HELZ: variants seen among roughly 807,000 people sequenced by gnomAD.
HELZ encodes helicase with zinc finger.
In HELZ, 23 loss-of-function variants were observed where a neutral mutation model predicts 218.2. The observed-to-expected ratio is 0.11, with a 90% CI of 0.08 to 0.15. The LOEUF (loss-of-function observed/expected upper bound fraction) is 0.15, where lower values mean the gene tolerates loss of function less well. HELZ is among the 10% of genes least tolerant of loss of function. The pLI, the probability that HELZ is intolerant of heterozygous loss-of-function variation, is 1.00. For missense variants in HELZ, 1,813 were observed against 2,353.7 expected, an observed-to-expected ratio of 0.77 and a Z score of 4.75; for synonymous variants, 814 against 829.4, an observed-to-expected ratio of 0.98 and a Z score of 0.32.
chr17:67,203,510 T>C, intron 5 of HELZ, 67 bp from the exon 6 acceptor site: 7 of 1,569,844 alleles, frequency 4.5e-6, no homozygotes, highest in Non-Finnish European at 6.1e-6. Context: ...GATTATAGTA[T>C]TAACACACTA....
intron 27 of HELZ, among the ~76,000 whole-genome samples, chr17:67,117,698 T>C (rs543605078): frequency 2.8e-4 from 42 of 151,784 alleles, no homozygotes; most frequent in Admixed American, 2.6e-3. Flanking sequence ...TACAGGCATG[T>C]GCCACCATGC....
intron 9 of HELZ, among the ~76,000 whole-genome samples, chr17:67,190,872 G>A (rs766003346): frequency 6.6e-6 from 1 of 152,108 alleles, no homozygotes; most frequent in Non-Finnish European, 1.5e-5. Context: ...ACCACGCCTG[G>A]CTAGTTTTTG....
At chr17:67,145,680 C>T (rs542995924) in intron 21 of HELZ, 63 bp downstream of exon 21, 2 of 1,370,006 alleles carry the variant, frequency 1.5e-6, no homozygotes, top group African/African-American at 1.5e-5. Context: ...TAAATAAATG[C>T]TTAACAAAAC....
At chr17:67,197,415 T>A (rs2040059401) in intron 7 of HELZ, among the ~76,000 whole-genome samples, 1 of 152,182 alleles carries the variant, frequency 6.6e-6, no homozygotes, top group African/African-American at 2.4e-5. Flanking sequence ...TACTTAGCTA[T>A]CCCTATCCTT....
In HELZ at chr17:67,203,460, G is replaced by C. The variant is rs1371287012; in HGVS notation, c.248-17C>G. 3 of 1,612,544 alleles carry C rather than the reference G, an allele frequency of 1.9e-6. No homozygotes were observed. The African/African-American group carries it at 4.0e-5, about 22-fold the overall frequency. On this transcript the variant is annotated splice_polypyrimidine_tract_variant and intron_variant, in intron 5 of 32. Transcript: ENST00000358691. Reference sequence around the variant, plus strand: ...CTCCCAGCACTGCCATGAAAGAACAGCCATCATTAACCATATGACATTTAA... The same window carrying C: ...CTCCCAGCACTGCCATGAAAGAACACCCATCATTAACCATATGACATTTAA...
chr17:67,086,631 A>ATATATAAAAATAAATATAAATATAT (rs1598183996), intron 32 of HELZ, among the ~76,000 whole-genome samples, 198 bp downstream of exon 32: 1 of 93,318 alleles, frequency 1.1e-5, no homozygotes, highest in Non-Finnish European at 2.0e-5. Context: ...TATAAATATA[A>ATATATAAAAATAAATATAAATATAT]ATATATATAT....
chr17:67,214,458 G>T (rs1469716099), intron 5 of HELZ, among the ~76,000 whole-genome samples: 2 of 151,286 alleles, frequency 1.3e-5, no homozygotes, highest in Non-Finnish European at 2.9e-5. Context: ...TAGAGATGGG[G>T]TTTCACCATA....
intron 32 of HELZ, among the ~76,000 whole-genome samples, chr17:67,081,808 G>T (rs967244656): frequency 6.6e-6 from 1 of 152,194 alleles, no homozygotes; most frequent in Non-Finnish European, 1.5e-5. Flanking sequence ...GTGGGGCGGG[G>T]CAGGGGGGTG....
chr17:67,166,427 T>C (rs1423829441), intron 15 of HELZ, 51 bp downstream of exon 15: 33 of 1,478,522 alleles, frequency 2.2e-5, no homozygotes, highest in Non-Finnish European at 3.0e-5. Context: ...ATACAGATAT[T>C]CAATTTAATA....
chr17:67,159,616 ATTC>A (rs1448763581), intron 17 of HELZ, among the ~76,000 whole-genome samples: 2 of 152,180 alleles, frequency 1.3e-5, no homozygotes, highest in Non-Finnish European at 2.9e-5. Context: ...CAATTTGATG[ATTC>A]TTTATTGTTT....
At chr17:67,105,689 A>C (rs112793415) in intron 31 of HELZ, among the ~76,000 whole-genome samples, 1,925 of 152,334 alleles carry the variant, frequency 0.013, 22 homozygotes, top group Non-Finnish European at 0.021. Flanking sequence ...ACTACTGTTC[A>C]TTATAATCTG....
At chr17:67,168,259 G>A (rs1377789501) in intron 13 of HELZ, among the ~76,000 whole-genome samples, 2 of 152,132 alleles carry the variant, frequency 1.3e-5, no homozygotes, top group African/African-American at 4.8e-5. Context: ...GATTACAGAT[G>A]TGAGCCACCA....
At chr17:67,119,471 C>G (rs984839360) in intron 27 of HELZ, among the ~76,000 whole-genome samples, 40 of 152,042 alleles carry the variant, frequency 2.6e-4, no homozygotes, top group Admixed American at 2.4e-3. Flanking sequence ...GGGCTGGGAG[C>G]TGGAGGATGG....
intron 32 of HELZ, among the ~76,000 whole-genome samples, chr17:67,083,915 A>G (rs1567785161): frequency 6.6e-6 from 1 of 152,258 alleles, no homozygotes; most frequent in African/African-American, 2.4e-5. Flanking sequence ...TAAAAAGGCC[A>G]AAGATGGGGT....
chr17:67,120,710 T>G, intron 26 of HELZ, 98 bp from the exon 27 acceptor site: 3 of 738,738 alleles, frequency 4.1e-6, no homozygotes, highest in South Asian at 3.2e-5. Context: ...TACAAAGACA[T>G]ACAAACACAC....
chr17:67,080,272 A>G (rs753692487), intron 32 of HELZ, among the ~76,000 whole-genome samples: 5 of 152,166 alleles, frequency 3.3e-5, no homozygotes, highest in African/African-American at 1.2e-4. Flanking sequence ...TCTTTTGTGC[A>G]TTGAAATCTG....
Position 67,148,684 on chromosome 17 carries a change from T to C in HELZ, c.2506A>G (p.Arg836Gly), listed in dbSNP as rs748687838. The change falls in exon 20 of 33, where the codon AGG (arginine) becomes GGG (glycine). Residue 836 changes from arginine to glycine, a missense_variant. Coordinates refer to ENST00000358691, the MANE Select transcript of HELZ (RefSeq NM_014877.4). ...AATGAAACGTGAAGGTTTCTCTCCC[T>C]GGCAAACTCGCTGTAAACAAAAGGA... Reference protein sequence around the residue: ...LSPFVYSEFARERNLHVSLLD... With the variant: ...LSPFVYSEFAGERNLHVSLLD... 6.2e-7 allele frequency: 1 copy of C among 1,613,580 alleles called. No homozygotes were observed. Among genetic ancestry groups the C allele is most frequent in the South Asian group, 1.1e-5 (1 of 91,002 alleles).
chr17:67,224,015 G>A (rs1235139893), intron 3 of HELZ, among the ~76,000 whole-genome samples: 1 of 152,142 alleles, frequency 6.6e-6, no homozygotes, highest in African/African-American at 2.4e-5. Flanking sequence ...AAAAGCCCAC[G>A]ATTTCCCTTC....
chr17:67,171,927 G>A (rs1484002625), intron 13 of HELZ, among the ~76,000 whole-genome samples: 2 of 151,844 alleles, frequency 1.3e-5, no homozygotes, highest in East Asian at 3.9e-4. Flanking sequence ...CACCTCCCGG[G>A]TTCAAGCGAT....
Sources: gnomAD v4.1 joint callset for allele counts (sites outside exome capture counted in the v4.1 genomes callset) on GRCh38, gnomAD v4.1.1 for gene constraint, MANE v1.5 for transcripts, NCBI Gene and HGNC (gene_info 2026-07-23, HGNC 2026-07-21) for gene names.